TESPA1: variants seen among roughly 807,000 people sequenced by gnomAD.
The protein encoded by TESPA1 is protein TESPA1.
A neutral mutation model predicts 57.9 loss-of-function variants in TESPA1; 33 were observed. The observed-to-expected ratio is 0.57, with a 90% CI of 0.43 to 0.76. The LOEUF (loss-of-function observed/expected upper bound fraction) is 0.76, where lower values mean the gene tolerates loss of function less well. Among genes scored for constraint, TESPA1 ranks in the 30% least tolerant of loss-of-function variants. TESPA1 has a pLI of 0.00. For synonymous variants in TESPA1, 227 were observed against 228.9 expected (o/e 0.99, Z 0.07); for missense variants, 618 against 632.9 (o/e 0.98, Z 0.25).
At chr12:54,979,035 G>A (rs1292061730) in intron 1 of TESPA1, among the ~76,000 whole-genome samples, 2 of 152,196 alleles carry the variant, frequency 1.3e-5, no homozygotes, top group East Asian at 3.8e-4. Context: ...TTCGTCATAG[G>A]ACGGGTGCTC....
intron 10 of TESPA1, among the ~76,000 whole-genome samples, chr12:54,954,149 A>T (rs752119800): frequency 6.6e-6 from 1 of 152,142 alleles, no homozygotes; most frequent in Non-Finnish European, 1.5e-5. Context: ...GCTTGCCCTG[A>T]TCCACAGTAA....
intron 3 of TESPA1, among the ~76,000 whole-genome samples, chr12:54,968,456 C>T (rs1479328719): frequency 2.6e-5 from 4 of 152,168 alleles, no homozygotes; most frequent in Non-Finnish European, 4.4e-5. Context: ...ACCATCTCCA[C>T]CAGAAGAACA....
At chr12:54,977,164 C>T (rs7314940) in intron 1 of TESPA1, among the ~76,000 whole-genome samples, 50,710 of 151,842 alleles carry the variant, frequency 0.33, 10,705 homozygotes, top group East Asian at 0.89. Flanking sequence ...ACAAGCTCCA[C>T]GAGGACAGAA....
At position 54,967,131 on chromosome 12, in the gene TESPA1, A is replaced by G. The variant is rs189400741; in HGVS notation, c.310+52T>C. On this transcript the variant is annotated intron_variant, in intron 5 of 10. Transcript: ENST00000449076. ...CACTTCCATCCTATCCTGAATTCAT[A>G]CAATGTATATCCTGTTTTCTCATCC... 3.1e-3 allele frequency: 4,928 copies of G among 1,600,656 alleles called. 12 individuals carry two copies. The highest frequency in any genetic ancestry group is 3.7e-3 in the Non-Finnish European group (4,340 of 1,170,828).
rs776869070 is a variant in TESPA1, at chr12:54,974,520, G to A, written c.43C>T (p.Arg15Trp). 1.5e-5 allele frequency: 24 copies of A among 1,599,844 alleles called. No individual in the cohort carries two copies. The highest frequency in any genetic ancestry group is 2.7e-5 in the African/African-American group (2 of 74,678). ...TTACGGCTCTGACGGAGCCAGGCCC[G>A]CCGTTTCTCCCAGGATGTGGGGCTC... ...VLSPTSWEKRRAWLRQSRNWQ... is the reference protein window; with the variant it reads ...VLSPTSWEKRWAWLRQSRNWQ... The change falls in exon 2 of 11, where the codon CGG becomes TGG. Residue 15 changes from arginine (R) to tryptophan (W), a missense_variant. Arg to Trp is a moderately radical substitution (Grantham distance 101, BLOSUM62 -3). Around this residue, in one of 3 missense-constraint regions of TESPA1, gnomAD observed 199 missense variants for 184.0 expected, o/e 1.08. Transcript: ENST00000449076.
intron 3 of TESPA1, among the ~76,000 whole-genome samples, chr12:54,971,370 A>C (rs1391616667): frequency 1.3e-5 from 2 of 152,208 alleles, no homozygotes; most frequent in African/African-American, 2.4e-5. Context: ...TATCTTCTTC[A>C]TTAGCTATTA....
intron 10 of TESPA1, among the ~76,000 whole-genome samples, chr12:54,951,180 T>C (rs928287338): frequency 3.9e-5 from 6 of 152,134 alleles, no homozygotes; most frequent in Non-Finnish European, 8.8e-5. Context: ...GAAGCAGATT[T>C]CCCCCTTGCT....
intron 3 of TESPA1, among the ~76,000 whole-genome samples, chr12:54,969,021 G>GTGTGTGTGTATA (rs370590552): frequency 1.6e-4 from 13 of 83,672 alleles, no homozygotes; most frequent in African/African-American, 5.0e-4. Context: ...ATTTATATAT[G>GTGTGTGTGTATA]TATATATATA....
At chr12:54,979,725 A>T (rs577211343) in intron 1 of TESPA1, among the ~76,000 whole-genome samples, 2 of 152,228 alleles carry the variant, frequency 1.3e-5, no homozygotes, top group Admixed American at 1.3e-4. Flanking sequence ...AACAAAAATT[A>T]TTATCAGAGG....
At chr12:54,975,840 T>A (rs965873083) in intron 1 of TESPA1, among the ~76,000 whole-genome samples, 7 of 152,196 alleles carry the variant, frequency 4.6e-5, no homozygotes. Flanking sequence ...TAAAATGCAT[T>A]CCTAGGGCAG....
rs1201628953 is a variant in TESPA1 at position 54,966,098 on chromosome 12, A to G, written c.401T>C (p.Leu134Ser). 21 of 1,579,128 alleles carry G rather than the reference A, an allele frequency of 1.3e-5. No individual in the cohort carries two copies. The highest frequency in any genetic ancestry group is 1.8e-5 in the Non-Finnish European group (21 of 1,161,402). ...CCCCCCAGTCATGCTGCTGGAAGCC[A>G]AACTACAGCCAAGATCAAGTAGCTG... ...PCQLLDLGCS[L>S]ASSSMTGGTN... The change falls in exon 7 of 11, where the codon TTG (leucine) becomes TCG (serine). Residue 134 changes from leucine (L) to serine (S), a missense_variant. Coordinates refer to ENST00000449076, the MANE Select transcript of TESPA1 (RefSeq NM_001136030.3).
In TESPA1 at chr12:54,974,609, T is replaced by C; in HGVS notation, c.-45-2A>G. On this transcript the variant is annotated splice_acceptor_variant, in intron 1 of 10. Transcript: ENST00000449076. LOFTEE classifies it low-confidence loss of function (5UTR_SPLICE). The stretch of plus-strand genomic sequence containing the variant: ...GCCTCCCGTAACAGTAATGCCGTCC[T>C]AAGAGTTGAAAAACAGTGATACTCC... 6.9e-7 allele frequency: 1 copy of C among 1,452,906 alleles called. No individual in the cohort carries two copies. Among genetic ancestry groups the C allele is most frequent in the Non-Finnish European group, 9.1e-7 (1 of 1,095,394 alleles). 90.0% of individuals were successfully genotyped at this position (1,452,906 alleles called of 1,614,324 possible).
At chr12:54,985,077 G>A (rs1415230641), upstream of TESPA1, among the ~76,000 whole-genome samples, 1 of 152,194 alleles carries the variant, frequency 6.6e-6, no homozygotes, top group African/African-American at 2.4e-5. Flanking sequence ...AAATGGGAAA[G>A]CTCTCTCTCA....
intron 3 of TESPA1, among the ~76,000 whole-genome samples, chr12:54,972,352 T>G (rs1951883683): frequency 6.6e-6 from 1 of 152,226 alleles, no homozygotes; most frequent in Non-Finnish European, 1.5e-5. Flanking sequence ...AATCAGACAG[T>G]TAGCAAAAGC....
chr12:54,972,069 A>C (rs1298531017), intron 3 of TESPA1, among the ~76,000 whole-genome samples: 1 of 152,224 alleles, frequency 6.6e-6, no homozygotes, highest in Non-Finnish European at 1.5e-5. Flanking sequence ...GTCTACAGTG[A>C]ACAGAATTTA....
intron 3 of TESPA1, among the ~76,000 whole-genome samples, chr12:54,971,561 A>G (rs1951832246): frequency 6.6e-6 from 1 of 152,180 alleles, no homozygotes; most frequent in Admixed American, 6.5e-5. Context: ...CTGTTGATTA[A>G]CTCTTTATGG....
At chr12:54,976,747 G>C (rs549181669) in intron 1 of TESPA1, among the ~76,000 whole-genome samples, 6 of 152,218 alleles carry the variant, frequency 3.9e-5, no homozygotes, top group African/African-American at 1.4e-4. Context: ...ATACTGCCTA[G>C]CACAATTCCA....
At chr12:54,978,041 G>T (rs552687566) in intron 1 of TESPA1, among the ~76,000 whole-genome samples, 4 of 151,066 alleles carry the variant, frequency 2.6e-5, no homozygotes, top group Admixed American at 1.3e-4. Flanking sequence ...GTGGAAATCT[G>T]CAGGAAGCGG....
Position 54,948,473 on chromosome 12 carries a change from A to G in TESPA1, c.*1919T>C. 6.5e-6 allele frequency: 1 copy of G among 153,400 alleles called. No homozygotes were observed. The highest frequency in any genetic ancestry group is 1.9e-4 in the East Asian group (1 of 5,226). 9.5% of individuals were successfully genotyped at this position (153,400 alleles called of 1,614,324 possible). ...GGATTACTGGGTAGAGTTTTCATTA[A>G]TCGTTTAGCACCATCTCCCCTTGGT... On this transcript the variant is annotated 3_prime_UTR_variant, in exon 11 of 11. Transcript: ENST00000449076.
Sources: gnomAD v4.1 joint callset for allele counts (sites outside exome capture counted in the v4.1 genomes callset) on GRCh38, gnomAD v4.1.1 for gene constraint, gnomAD v4.1.1 regional missense constraint, MANE v1.5 for transcripts, NCBI Gene and HGNC (gene_info 2026-07-23, HGNC 2026-07-21) for gene names.